Variants in GABRA5 observed in about 807,000 individuals in gnomAD.
GABRA5 encodes the protein gamma-aminobutyric acid receptor subunit alpha-5.
Under a neutral mutation model 47.3 loss-of-function variants are expected in GABRA5, and 18 were observed. That is an observed-to-expected ratio of 0.38 (90% CI 0.26 to 0.56). The LOEUF (loss-of-function observed/expected upper bound fraction) is 0.56. Among genes scored for constraint, GABRA5 ranks in the 20% least tolerant of loss-of-function variants. The pLI is 0.71. For missense variants in GABRA5, 365 were observed against 599.3 expected (o/e 0.61, Z 4.08); for synonymous variants, 237 against 229.3 (o/e 1.03, Z -0.30).
At position 26,949,190 on chromosome 15, in the gene GABRA5, A is replaced by C. The variant is rs1476869189; in HGVS notation, c.*957A>C. 6.6e-6 allele frequency: 1 copy of C among 152,174 alleles called. No homozygotes were observed. The highest frequency in any genetic ancestry group is 1.5e-5 in the Non-Finnish European group (1 of 68,032). 9.4% of individuals were successfully genotyped at this position (152,174 alleles called of 1,614,324 possible). A position where few individuals can be genotyped will look rare whatever the true frequency, so the allele number is the denominator to read the frequency against. On this transcript the variant is annotated 3_prime_UTR_variant, in exon 11 of 11. Coordinates refer to ENST00000335625, the MANE Select transcript of GABRA5 (RefSeq NM_000810.4). ...CTTAAATGTTCATTAAAAAATAAAA[A>C]ATGAACTGATCTTGTGGACATATAG...
At chr15:26,928,217 C>A (rs148141894) in intron 7 of GABRA5, among the ~76,000 whole-genome samples, 1 of 152,080 alleles carries the variant, frequency 6.6e-6, no homozygotes, top group Non-Finnish European at 1.5e-5. Flanking sequence ...TGAATTTCAC[C>A]GGAGTGAGCT....
At chr15:26,926,571 T>A (rs1893967289) in intron 7 of GABRA5, among the ~76,000 whole-genome samples, 1 of 152,178 alleles carries the variant, frequency 6.6e-6, no homozygotes, top group Non-Finnish European at 1.5e-5. Flanking sequence ...CATCATTACT[T>A]AGAACAAAGG....
intron 6 of GABRA5, among the ~76,000 whole-genome samples, chr15:26,903,764 G>T (rs1207460445): frequency 1.3e-5 from 2 of 151,876 alleles, no homozygotes; most frequent in African/African-American, 2.4e-5. Context: ...CTTTTGAAAA[G>T]TGTCTGTTCA....
At position 26,867,915 on chromosome 15, in the gene GABRA5, G is replaced by C. The variant is rs1595388217; in HGVS notation, c.-140+804G>C. 1 of 152,228 alleles carries C rather than the reference G, an allele frequency of 6.6e-6. No individual in the cohort carries two copies. The highest frequency in any genetic ancestry group is 1.9e-4 in the East Asian group (1 of 5,132). 9.4% of individuals were successfully genotyped at this position (152,228 alleles called of 1,614,324 possible). A position where few individuals can be genotyped will look rare whatever the true frequency, so the allele number is the denominator to read the frequency against. On this transcript the variant is annotated intron_variant, in intron 1 of 10. Transcript: ENST00000335625. This position sits in a 1 kb window ranked among gnomAD's most constrained non-coding sequence, Gnocchi z 5.9. ...CGCTGCCTGGCGGAGCGCTTGGCTC[G>C]TACCCGGGGCAGGAGCAGGGGAAGT...
At chr15:26,943,535 C>G in intron 10 of GABRA5, 109 bp downstream of exon 10, 2 of 964,018 alleles carry the variant, frequency 2.1e-6, no homozygotes, top group East Asian at 2.6e-5. Context: ...CGCCAGCCCC[C>G]GAATGCTCCT....
chr15:26,943,665 A>G (rs1894442977), intron 10 of GABRA5, among the ~76,000 whole-genome samples: 1 of 152,236 alleles, frequency 6.6e-6, no homozygotes, highest in Non-Finnish European at 1.5e-5. Context: ...TTATTTTGGC[A>G]GAAGTAACTC....
At chr15:26,878,405 G>T (rs1315793862) in intron 3 of GABRA5, among the ~76,000 whole-genome samples, 1 of 152,110 alleles carries the variant, frequency 6.6e-6, no homozygotes, top group East Asian at 1.9e-4. Flanking sequence ...TTCTCTCCAT[G>T]GCTGTGAAAG....
Position 26,939,927 on chromosome 15 carries a change from G to T in GABRA5, c.727G>T (p.Glu243Ter). The change falls in exon 9 of 11, where the codon GAA becomes TAA. Residue 243 changes from glutamate to a stop codon, truncating the protein, a stop_gained and splice_region_variant. Coordinates refer to ENST00000335625, the MANE Select transcript of GABRA5 (RefSeq NM_000810.4). LOFTEE classifies it high-confidence loss of function. Reference sequence around the variant, plus strand: ...TGCAGTCATTTGCTTATTTGCAGGCGAATACACAATCATGACAGCTCACTT... The same window carrying T: ...TGCAGTCATTTGCTTATTTGCAGGCTAATACACAATCATGACAGCTCACTT... ...GTENISTSTGEYTIMTAHFHL... is the reference protein window; with the variant it reads ...GTENISTSTG The T allele has an allele frequency of 6.2e-7, 1 of 1,613,894 alleles. No homozygotes were observed. Among genetic ancestry groups the T allele is most frequent in the Non-Finnish European group, 8.5e-7 (1 of 1,179,852 alleles).
At chr15:26,937,018 A>G (rs537805087) in intron 7 of GABRA5, among the ~76,000 whole-genome samples, 167 bp from the exon 8 acceptor site, 2 of 152,328 alleles carry the variant, frequency 1.3e-5, no homozygotes, top group South Asian at 4.1e-4. Context: ...GCCGAACTGC[A>G]GTGGCGTCTG....
rs1484578084 is a variant in GABRA5, at chr15:26,948,981, T to G, written c.*748T>G. ...AAAGGAGATGTTAAAACAAACAGTG[T>G]TTTGATGACATTCTCAGCACTTGGC... On this transcript the variant is annotated 3_prime_UTR_variant, in exon 11 of 11. Transcript: ENST00000335625. The G allele has an allele frequency of 6.6e-6, 1 of 152,172 alleles. No individual in the cohort carries two copies. The highest frequency in any genetic ancestry group is 1.5e-5 in the Non-Finnish European group (1 of 68,046). The allele number at this position is 152,172 out of a possible 1,614,324, so 9.4% of individuals were successfully genotyped here. A position where few individuals can be genotyped will look rare whatever the true frequency, so the allele number is the denominator to read the frequency against.
At chr15:26,878,524 A>T (rs909772502) in intron 3 of GABRA5, among the ~76,000 whole-genome samples, 1 of 152,008 alleles carries the variant, frequency 6.6e-6, no homozygotes, top group African/African-American at 2.4e-5. Flanking sequence ...ACAAAAAAAA[A>T]CCCCTCTGCT....
At chr15:26,932,489 A>G (rs1894132146) in intron 7 of GABRA5, among the ~76,000 whole-genome samples, 3 of 152,226 alleles carry the variant, frequency 2.0e-5, no homozygotes, top group Admixed American at 2.0e-4. Context: ...GACTGTGGAG[A>G]AATAGGAATG....
At chr15:26,875,301 C>G (rs1179877939) in intron 3 of GABRA5, among the ~76,000 whole-genome samples, 1 of 152,178 alleles carries the variant, frequency 6.6e-6, no homozygotes, top group Non-Finnish European at 1.5e-5. Flanking sequence ...ATGTCTCCCT[C>G]GCAGGGGCAT....
chr15:26,914,906 A>G, intron 7 of GABRA5, 21 bp downstream of exon 7: 1 of 1,597,564 alleles, frequency 6.3e-7, no homozygotes, highest in Admixed American at 1.7e-5. Flanking sequence ...TTCACAAGTA[A>G]GAGCCTTGGA....
At chr15:26,913,298 C>T (rs1168470398) in intron 6 of GABRA5, among the ~76,000 whole-genome samples, 1 of 152,062 alleles carries the variant, frequency 6.6e-6, no homozygotes, top group Non-Finnish European at 1.5e-5. Context: ...GGAAACCTTC[C>T]GTCAAAAGTT....
Position 26,883,006 on chromosome 15 carries a change from G to C in GABRA5, c.209-160G>C. Reference sequence around the variant, plus strand: ...TTCATGGTATAGCGGGGAGCAGCTCGATTTCATCTGGTAATTGTCAAGTCC... The same window carrying C: ...TTCATGGTATAGCGGGGAGCAGCTCCATTTCATCTGGTAATTGTCAAGTCC... On this transcript the variant is annotated intron_variant, in intron 4 of 10. Coordinates refer to ENST00000335625, the MANE Select transcript of GABRA5 (RefSeq NM_000810.4). The surrounding 1 kb of genome is among the most constrained non-coding windows in gnomAD (Gnocchi z 4.8). 1 of 710,186 alleles carries C rather than the reference G, an allele frequency of 1.4e-6. No homozygotes were observed. The highest frequency in any genetic ancestry group is 2.6e-6 in the Non-Finnish European group (1 of 387,260). The allele number at this position is 710,186 out of a possible 1,614,324, so 44.0% of individuals were successfully genotyped here.
rs961146685 is a variant in GABRA5, at chr15:26,883,825, T to C, written c.497+268T>C. 4.2e-4 allele frequency among the ~76,000 whole-genome samples: 64 copies of C among 152,238 alleles called. No individual in the cohort carries two copies. The highest frequency in any genetic ancestry group is 1.5e-3 in the African/African-American group (62 of 41,550). On this transcript the variant is annotated intron_variant, in intron 6 of 10. Transcript: ENST00000335625. The surrounding 1 kb of genome is among the most constrained non-coding windows in gnomAD (Gnocchi z 4.8). ...AGAGCATCTTTGGAACCATGGCCCATATAATGTCGGATAGGGAAAAATTAT... is the reference window on the plus strand; with the variant it reads ...AGAGCATCTTTGGAACCATGGCCCACATAATGTCGGATAGGGAAAAATTAT...
intron 10 of GABRA5, among the ~76,000 whole-genome samples, chr15:26,947,456 G>C (rs1894538241): frequency 6.6e-6 from 1 of 152,124 alleles, no homozygotes; most frequent in Non-Finnish European, 1.5e-5. Context: ...TGTGGTATTT[G>C]GTTTTCTGTT....
chr15:26,878,557 G>A (rs1892653568), intron 3 of GABRA5, among the ~76,000 whole-genome samples: 1 of 152,102 alleles, frequency 6.6e-6, no homozygotes. Flanking sequence ...GGCATCATCA[G>A]AGCTTTTTAA....
Sources: gnomAD v4.1 joint callset for allele counts (sites outside exome capture counted in the v4.1 genomes callset) on GRCh38, gnomAD v4.1.1 for gene constraint, Gnocchi (gnomAD v3.1) non-coding constraint, MANE v1.5 for transcripts, NCBI Gene and HGNC (gene_info 2026-07-23, HGNC 2026-07-21) for gene names.